VPS36: variants seen among roughly 807,000 people sequenced by gnomAD.
VPS36 encodes the protein vacuolar protein-sorting-associated protein 36.
In VPS36, 31 loss-of-function variants were observed where a neutral mutation model predicts 63.5. The observed-to-expected ratio is 0.49, with a 90% CI of 0.37 to 0.66. VPS36 has a LOEUF of 0.66. Ranked by LOEUF, VPS36 falls within the 30% of genes least tolerant of loss-of-function variation. VPS36 has a pLI of 0.00. For synonymous variants in VPS36, 138 were observed against 157.2 expected (o/e 0.88, Z 0.91); for missense variants, 338 against 463.7 (o/e 0.73, Z 2.49).
In VPS36 at chr13:52,434,063, C is replaced by T. The variant is rs77009030; in HGVS notation, c.442-315G>A. ...TTACGTATCAGATACTTAATAGGGTCTCAAATGTACAAAAAAAATCACAGT... is the reference window on the plus strand; with the variant it reads ...TTACGTATCAGATACTTAATAGGGTTTCAAATGTACAAAAAAAATCACAGT... On this transcript the variant is annotated intron_variant, in intron 5 of 13. Coordinates refer to ENST00000378060, the MANE Select transcript of VPS36 (RefSeq NM_016075.4). Among the ~76,000 whole-genome samples, 1,124 of 152,230 alleles carry T rather than the reference C, an allele frequency of 7.4e-3. 6 individuals carry two copies. Among genetic ancestry groups the T allele is most frequent in the African/African-American group, 0.017 (700 of 41,544 alleles).
rs539687498 is a variant in VPS36, at chr13:52,414,951, T to C, written c.*879A>G. 4.6e-5 allele frequency: 7 copies of C among 152,344 alleles called. No individual in the cohort carries two copies. Among genetic ancestry groups the C allele is most frequent in the East Asian group, 3.9e-4 (2 of 5,192 alleles). The allele number at this position is 152,344 out of a possible 1,614,324, so 9.4% of individuals were successfully genotyped here. On this transcript the variant is annotated 3_prime_UTR_variant, in exon 14 of 14. Transcript: ENST00000378060. ...AAGAAAAAATATTGCTGGAATATGA[T>C]AGACTTTTTAAAGTTCAGTGTTGAA...
Position 52,450,490 on chromosome 13 carries a change from AC to A in VPS36, c.96+8del. 1 of 1,586,836 alleles carries A rather than the reference AC, an allele frequency of 6.3e-7. No individual in the cohort carries two copies. Among genetic ancestry groups the A allele is most frequent in the Non-Finnish European group, 8.6e-7 (1 of 1,167,224 alleles). On this transcript the variant is annotated splice_region_variant and intron_variant, in intron 1 of 13. Transcript: ENST00000378060. ...GCCAGCCCGTTGGGAAGGTTGGCAG[AC>A]GCCCTACCTTCTCCTCGCCATCGTA...
chr13:52,417,108 A>AATT lies in VPS36; in HGVS notation c.936_938dup (p.Ile313dup). Reference sequence around the variant, plus strand: ...CCTCTTCCTTGTGAGACTGAAGCTCAATTACCATGACGCCACTGTCAAACA... The same window carrying AATT: ...CCTCTTCCTTGTGAGACTGAAGCTCAATTATTACCATGACGCCACTGTCAAACA... On this transcript the variant is annotated inframe_insertion, in exon 12 of 14. Coordinates refer to ENST00000378060, the MANE Select transcript of VPS36 (RefSeq NM_016075.4). 1 of 1,614,106 alleles carries AATT rather than the reference A, an allele frequency of 6.2e-7. No individual in the cohort carries two copies. The highest frequency in any genetic ancestry group is 8.5e-7 in the Non-Finnish European group (1 of 1,180,006).
At chr13:52,436,253 ACC>A in intron 4 of VPS36, 35 bp downstream of exon 4, 1 of 1,401,796 alleles carries the variant, frequency 7.1e-7, no homozygotes, top group Non-Finnish European at 1.0e-6. Context: ...ACACACACAC[ACC>A]TTTCTAGTAC....
intron 10 of VPS36, among the ~76,000 whole-genome samples, chr13:52,418,573 C>CAAAA (rs1201650906): frequency 6.4e-5 from 2 of 31,172 alleles, no homozygotes; most frequent in Non-Finnish European, 6.9e-5. Flanking sequence ...GACTCCATCT[C>CAAAA]AAAAAAAAAA....
chr13:52,419,888 G>A (rs1958028894), intron 10 of VPS36, among the ~76,000 whole-genome samples: 1 of 152,144 alleles, frequency 6.6e-6, no homozygotes, highest in Admixed American at 6.6e-5. Context: ...AGGGTGGGAA[G>A]AGTAGTGGGG....
intron 1 of VPS36, among the ~76,000 whole-genome samples, chr13:52,445,684 T>G: frequency 7.8e-6 from 1 of 127,836 alleles, no homozygotes; most frequent in Middle Eastern, 5.1e-3. Flanking sequence ...ACGCCTGTAA[T>G]CCCAGCACTT....
chr13:52,419,097 A>G (rs1486009808), intron 10 of VPS36, among the ~76,000 whole-genome samples: 1 of 152,248 alleles, frequency 6.6e-6, no homozygotes, highest in Non-Finnish European at 1.5e-5. Context: ...GTGGATGGTA[A>G]GTACTGACTA....
At chr13:52,446,964 C>A (rs1418727166) in intron 1 of VPS36, among the ~76,000 whole-genome samples, 1 of 151,484 alleles carries the variant, frequency 6.6e-6, no homozygotes, top group Non-Finnish European at 1.5e-5. Context: ...CAACCTCTGC[C>A]ATCCGGGTTC....
intron 6 of VPS36, 110 bp from the exon 7 acceptor site, chr13:52,427,329 G>A: frequency 8.8e-7 from 1 of 1,141,828 alleles, no homozygotes; most frequent in Non-Finnish European, 1.3e-6. Context: ...TTTTCAGCCG[G>A]GCGCAGTGGC....
Position 52,412,698 on chromosome 13 carries a change from A to T in VPS36, c.*3132T>A, listed in dbSNP as rs1465739380. The T allele has an allele frequency of 2.0e-5, 3 of 152,232 alleles. No individual in the cohort carries two copies. The highest frequency in any genetic ancestry group is 1.5e-5 in the Non-Finnish European group (1 of 68,036). The allele number at this position is 152,232 out of a possible 1,614,324, so 9.4% of individuals were successfully genotyped here. On this transcript the variant is annotated 3_prime_UTR_variant, in exon 14 of 14. Transcript: ENST00000378060. ...AATTATAAATAGGAATATAGGTAGG[A>T]GTTCATTCATTCAGTAAATATTTAT...
At chr13:52,439,977 G>A (rs902639372) in intron 2 of VPS36, among the ~76,000 whole-genome samples, 4 of 150,640 alleles carry the variant, frequency 2.7e-5, no homozygotes, top group East Asian at 3.9e-4. Context: ...TTATTCATAT[G>A]TTTAATTTTT....
At chr13:52,428,871 C>T (rs1047131132) in intron 6 of VPS36, among the ~76,000 whole-genome samples, 1 of 151,832 alleles carries the variant, frequency 6.6e-6, no homozygotes, top group African/African-American at 2.4e-5. Context: ...GTAAATAAGT[C>T]CTGTAAACTT....
Position 52,436,423 on chromosome 13 carries a change from T to TTCTTTGTCTTTCA in VPS36, c.237-20_237-19insTGAAAGACAAAGA, listed in dbSNP as rs1342280228. ...TTTGGCACTGAAGAAAGAACAAATG[T>TTCTTTGTCTTTCA]AATATATTGAATTGTCTTTCAAAAA... On this transcript the variant is annotated intron_variant, in intron 3 of 13. Coordinates refer to ENST00000378060, the MANE Select transcript of VPS36 (RefSeq NM_016075.4). 6 of 1,511,174 alleles carry TTCTTTGTCTTTCA rather than the reference T, an allele frequency of 4.0e-6. No individual in the cohort carries two copies. The African/African-American group carries it at 8.2e-5, about 21-fold the overall frequency. The allele number at this position is 1,511,174 out of a possible 1,614,324, so 93.6% of individuals were successfully genotyped here.
rs1343724956 is a variant in VPS36, at chr13:52,414,810, T to C, written c.*1020A>G. On this transcript the variant is annotated 3_prime_UTR_variant, in exon 14 of 14. Transcript: ENST00000378060. ...GAGGCTGTAGCAATAACATGTGAAG[T>C]CAGGCAGTCACTTTAAAACCTAAGC... 1 of 152,204 alleles carries C rather than the reference T, an allele frequency of 6.6e-6. No homozygotes were observed. The highest frequency in any genetic ancestry group is 1.9e-4 in the East Asian group (1 of 5,192). 9.4% of individuals were successfully genotyped at this position (152,204 alleles called of 1,614,324 possible).
At chr13:52,441,346 G>A (rs1958274395) in intron 2 of VPS36, among the ~76,000 whole-genome samples, 1 of 152,134 alleles carries the variant, frequency 6.6e-6, no homozygotes, top group Non-Finnish European at 1.5e-5. Context: ...AGATGAGATA[G>A]CTATCTTACT....
chr13:52,421,383 A>G (rs910021024), intron 10 of VPS36, among the ~76,000 whole-genome samples: 1 of 151,740 alleles, frequency 6.6e-6, no homozygotes, highest in East Asian at 1.9e-4. Context: ...AGGTGGGAGG[A>G]GGGGATGGAG....
At chr13:52,450,293 A>T (rs1566092911) in intron 1 of VPS36, 1 of 1,156,144 alleles carries the variant, frequency 8.6e-7, no homozygotes, top group African/African-American at 1.6e-5. Context: ...CGCGCTGGGG[A>T]GGCAGCCGAG....
chr13:52,449,747 C>T (rs1482022602), intron 1 of VPS36, among the ~76,000 whole-genome samples: 1 of 151,670 alleles, frequency 6.6e-6, no homozygotes, highest in Non-Finnish European at 1.5e-5. Flanking sequence ...TTTACTTACA[C>T]TTCCTATTTC....
Sources: gnomAD v4.1 joint callset for allele counts (sites outside exome capture counted in the v4.1 genomes callset) on GRCh38, gnomAD v4.1.1 for gene constraint, MANE v1.5 for transcripts, NCBI Gene and HGNC (gene_info 2026-07-23, HGNC 2026-07-21) for gene names.